Variants in ARHGEF28 observed in about 807,000 individuals in gnomAD.
ARHGEF28 encodes the protein Rho guanine nucleotide exchange factor 28.
A neutral mutation model predicts 206.6 loss-of-function variants in ARHGEF28; 152 were observed. The ratio of observed to expected loss-of-function variants is 0.74; its 90% confidence interval spans 0.64 to 0.84. ARHGEF28 has a LOEUF of 0.84. ARHGEF28 is among the 40% of genes least tolerant of loss of function. The probability of loss-of-function intolerance (pLI) is 0.00; values close to 1 mark genes in which losing one functional copy is unlikely to be tolerated. For missense variants in ARHGEF28, 2,028 were observed against 2,073.2 expected (o/e 0.98, Z 0.42); for synonymous variants, 763 against 776.4 (o/e 0.98, Z 0.29).
intron 9 of ARHGEF28, among the ~76,000 whole-genome samples, chr5:73,805,910 G>A (rs1580642381): frequency 6.6e-6 from 1 of 152,012 alleles, no homozygotes; most frequent in East Asian, 1.9e-4. Context: ...TATTTTATGT[G>A]AATTTTAGCT....
At chr5:73,820,387 G>T (rs140225861) in intron 9 of ARHGEF28, among the ~76,000 whole-genome samples, 1 of 152,074 alleles carries the variant, frequency 6.6e-6, no homozygotes, top group Admixed American at 6.5e-5. Context: ...GAGGTTAATG[G>T]GGGGTGGAGG....
chr5:73,748,037 A>G (rs1258505710), intron 2 of ARHGEF28, among the ~76,000 whole-genome samples: 1 of 152,220 alleles, frequency 6.6e-6, no homozygotes, highest in Non-Finnish European at 1.5e-5. Context: ...ATTTAAAAAA[A>G]ATCACGAACA....
At chr5:73,630,911 T>C (rs76468578) in intron 1 of ARHGEF28, among the ~76,000 whole-genome samples, 4 of 152,364 alleles carry the variant, frequency 2.6e-5, no homozygotes, top group Non-Finnish European at 5.9e-5. Context: ...CAATAGGCAT[T>C]TGAATAGATG....
intron 34 of ARHGEF28, among the ~76,000 whole-genome samples, chr5:73,910,310 G>A (rs914886071): frequency 1.3e-5 from 2 of 150,144 alleles, no homozygotes; most frequent in Non-Finnish European, 3.0e-5. Context: ...GAACCCATGA[G>A]GCGGAGGTTG....
intron 1 of ARHGEF28, among the ~76,000 whole-genome samples, chr5:73,649,962 T>A (rs544458283): frequency 8.5e-5 from 13 of 152,190 alleles, no homozygotes; most frequent in Non-Finnish European, 1.5e-4. Flanking sequence ...GCCCAAGTCC[T>A]TTTTCTCACC....
chr5:73,789,878 T>C (rs995263814), intron 7 of ARHGEF28, among the ~76,000 whole-genome samples: 18 of 152,150 alleles, frequency 1.2e-4, no homozygotes, highest in African/African-American at 4.3e-4. Context: ...CTAGCAAGCC[T>C]GCCCAACCCT....
intron 1 of ARHGEF28, among the ~76,000 whole-genome samples, chr5:73,645,236 A>G (rs183166868): frequency 6.6e-6 from 1 of 152,254 alleles, no homozygotes; most frequent in East Asian, 1.9e-4. Flanking sequence ...GGCTGGTCTC[A>G]TACTCCTGAG....
At chr5:73,897,214 C>T (rs1185241004) in intron 29 of ARHGEF28, among the ~76,000 whole-genome samples, 1 of 152,182 alleles carries the variant, frequency 6.6e-6, no homozygotes, top group Non-Finnish European at 1.5e-5. Context: ...GCTCTTCCTC[C>T]TCCATGCTGC....
intron 1 of ARHGEF28, among the ~76,000 whole-genome samples, chr5:73,660,866 T>A (rs1745554529): frequency 6.6e-6 from 1 of 152,168 alleles, no homozygotes; most frequent in Admixed American, 6.5e-5. Flanking sequence ...TTTGTTGTTC[T>A]GTTTATAGAG....
At chr5:73,647,985 G>T (rs1744547446) in intron 1 of ARHGEF28, among the ~76,000 whole-genome samples, 1 of 152,186 alleles carries the variant, frequency 6.6e-6, no homozygotes, top group Non-Finnish European at 1.5e-5. Context: ...GTGAATGATT[G>T]AATTAATTGA....
chr5:73,819,295 G>A (rs1756425277), intron 9 of ARHGEF28, among the ~76,000 whole-genome samples: 1 of 152,174 alleles, frequency 6.6e-6, no homozygotes, highest in Non-Finnish European at 1.5e-5. Context: ...TTAGGAGGTG[G>A]TCCCTCCATT....
chr5:73,693,032 G>A (rs1229079023), intron 2 of ARHGEF28, among the ~76,000 whole-genome samples: 2 of 152,230 alleles, frequency 1.3e-5, no homozygotes, highest in East Asian at 1.9e-4. Context: ...CTGATGAGGA[G>A]ATTAGTCTCC....
At chr5:73,749,741 C>G (rs1751926394) in intron 2 of ARHGEF28, 96 bp from the exon 3 acceptor site, 2 of 1,378,872 alleles carry the variant, frequency 1.5e-6, no homozygotes, top group Admixed American at 4.1e-5. Context: ...GTGAACATAA[C>G]AAATGACACT....
chr5:73,858,047 AT>A, intron 15 of ARHGEF28, 39 bp from the exon 16 acceptor site: 3 of 1,562,192 alleles, frequency 1.9e-6, no homozygotes, highest in Admixed American at 2.1e-5. Context: ...TCCTTTTCTC[AT>A]TTTTCCCCAC....
chr5:73,887,464 C>A, intron 25 of ARHGEF28, 139 bp from the exon 26 acceptor site: 1 of 627,878 alleles, frequency 1.6e-6, no homozygotes, highest in Non-Finnish European at 2.7e-6. Context: ...TTATTAATAG[C>A]ATATATCTTT....
intron 34 of ARHGEF28, among the ~76,000 whole-genome samples, 190 bp downstream of exon 34, chr5:73,910,087 A>G (rs1762801057): frequency 6.6e-6 from 1 of 152,164 alleles, no homozygotes; most frequent in Non-Finnish European, 1.5e-5. Flanking sequence ...GACTTAAAAT[A>G]TGGACAGTGC....
At chr5:73,798,075 T>C (rs1468303704) in intron 9 of ARHGEF28, among the ~76,000 whole-genome samples, 1 of 152,190 alleles carries the variant, frequency 6.6e-6, no homozygotes, top group Non-Finnish European at 1.5e-5. Context: ...GCATTTATTG[T>C]TTTCTATTTT....
At chr5:73,725,417 T>C (rs1750210720) in intron 2 of ARHGEF28, among the ~76,000 whole-genome samples, 1 of 152,216 alleles carries the variant, frequency 6.6e-6, no homozygotes, top group African/African-American at 2.4e-5. Context: ...GGCTTATAGG[T>C]ATGAATAGAA....
At chr5:73,881,060 C>G (rs1321722480) in intron 22 of ARHGEF28, among the ~76,000 whole-genome samples, 2 of 145,040 alleles carry the variant, frequency 1.4e-5, no homozygotes, top group African/African-American at 5.2e-5. Context: ...TTGTCTATGG[C>G]TGTCCAATTG....
Sources: allele counts gnomAD v4.1 joint callset (sites outside exome capture counted in the v4.1 genomes callset), GRCh38; gene constraint gnomAD v4.1.1; transcripts MANE v1.5; gene names NCBI Gene and HGNC (gene_info 2026-07-23, HGNC 2026-07-21).